Variants in HBP1 observed in about 807,000 individuals in gnomAD.
HBP1 encodes the protein HMG box-containing protein 1.
A neutral mutation model predicts 62.6 loss-of-function variants in HBP1; 20 were observed. That is an observed-to-expected ratio of 0.32 (90% CI 0.22 to 0.46). The LOEUF is 0.46. Ranked by LOEUF, HBP1 falls within the 20% of genes least tolerant of loss-of-function variation. HBP1 has a pLI of 1.00. For missense variants in HBP1, 480 were observed against 611.8 expected (o/e 0.78, Z 2.27); for synonymous variants, 232 against 206.2 (o/e 1.12, Z -1.07).
At chr7:107,176,682 T>C (rs1796865696) in intron 1 of HBP1, among the ~76,000 whole-genome samples, 1 of 147,062 alleles carries the variant, frequency 6.8e-6, no homozygotes, top group African/African-American at 2.6e-5. Context: ...GAATCACTGA[T>C]GAAATTAAAT....
intron 3 of HBP1, among the ~76,000 whole-genome samples, chr7:107,183,624 AAAAC>A (rs1797216653): frequency 6.6e-6 from 1 of 152,132 alleles, no homozygotes. Context: ...TTTTTAAAAA[AAAAC>A]CTGATTTAAC....
Position 107,179,942 on chromosome 7 carries a change from C to G in HBP1, c.49C>G (p.Leu17Val). The G allele has an allele frequency of 6.2e-7, 1 of 1,600,814 alleles. No homozygotes were observed. Among genetic ancestry groups the G allele is most frequent in the Non-Finnish European group, 8.5e-7 (1 of 1,171,756 alleles). The change falls in exon 2 of 11, where the codon CTC (leucine) becomes GTC (valine). Residue 17 changes from leucine (L) to valine (V), a missense_variant. This residue lies in a region of HBP1 where 304 missense variants were observed against 330.9 expected (regional missense o/e 0.92). Coordinates refer to ENST00000222574, the MANE Select transcript of HBP1 (RefSeq NM_012257.4). ...TCAGATGCCTAATGCAGTACAGAAA[C>G]TCCTGTTGGTGATGGACAAGAGAGC... ...TNQMPNAVQK[L>V]LLVMDKRASG...
At chr7:107,174,304 G>A (rs569642187) in intron 1 of HBP1, 94 of 242,116 alleles carry the variant, frequency 3.9e-4, no homozygotes, top group African/African-American at 2.0e-3. Context: ...GTTTTCTCAG[G>A]ACCAAACTTC....
chr7:107,185,583 A>C (rs116342350), intron 3 of HBP1, among the ~76,000 whole-genome samples: 2,248 of 152,332 alleles, frequency 0.015, 51 homozygotes, highest in African/African-American at 0.052. Flanking sequence ...ATATATTGTC[A>C]AATCTGAAAA....
At chr7:107,183,645 AT>A (rs919831865) in intron 3 of HBP1, among the ~76,000 whole-genome samples, 35 of 149,856 alleles carry the variant, frequency 2.3e-4, no homozygotes, top group African/African-American at 6.6e-4. Flanking sequence ...TAACTATTGG[AT>A]TTTTTTTTTC....
chr7:107,199,748 T>A (rs567439468), intron 9 of HBP1, among the ~76,000 whole-genome samples: 1 of 152,168 alleles, frequency 6.6e-6, no homozygotes, highest in Non-Finnish European at 1.5e-5. Context: ...CAGTTTAACT[T>A]CTTAGCATTT....
intron 1 of HBP1, among the ~76,000 whole-genome samples, chr7:107,179,105 A>AT (rs1162814830): frequency 6.6e-6 from 1 of 152,254 alleles, no homozygotes; most frequent in Admixed American, 6.5e-5. Flanking sequence ...CAAAATAAAA[A>AT]ACACAGTAAA....
At chr7:107,197,397 G>A (rs2115992681) in intron 9 of HBP1, among the ~76,000 whole-genome samples, 1 of 152,284 alleles carries the variant, frequency 6.6e-6, no homozygotes, top group African/African-American at 2.4e-5. Flanking sequence ...TTGAGGCGGA[G>A]TCTCACTGTC....
chr7:107,179,932 A>G lies in HBP1; in HGVS notation c.39A>G (p.Ala13=), dbSNP rs1486046450. 4 of 1,609,398 alleles carry G rather than the reference A, an allele frequency of 2.5e-6. No homozygotes were observed. In the South Asian group the frequency reaches 4.4e-5, roughly 18 times the overall value. The change falls in exon 2 of 11, where the codon GCA becomes GCG. Residue 13 remains alanine (A), a synonymous_variant. Coordinates refer to ENST00000222574, the MANE Select transcript of HBP1 (RefSeq NM_012257.4). ...WEVKTNQMPN[A]VQKLLLVMDK... ...TGAAGACAAATCAGATGCCTAATGCAGTACAGAAACTCCTGTTGGTGATGG... is the reference window on the plus strand; with the variant it reads ...TGAAGACAAATCAGATGCCTAATGCGGTACAGAAACTCCTGTTGGTGATGG...
chr7:107,186,344 A>G lies in HBP1; in HGVS notation c.541-17A>G. The G allele has an allele frequency of 7.1e-7, 1 of 1,415,794 alleles. No individual in the cohort carries two copies. The highest frequency in any genetic ancestry group is 1.4e-5 in the African/African-American group (1 of 69,830). The allele number at this position is 1,415,794 out of a possible 1,614,324, so 87.7% of individuals were successfully genotyped here. A position where few individuals can be genotyped will look rare whatever the true frequency, so the allele number is the denominator to read the frequency against. On this transcript the variant is annotated splice_polypyrimidine_tract_variant and intron_variant, in intron 4 of 10. Coordinates refer to ENST00000222574, the MANE Select transcript of HBP1 (RefSeq NM_012257.4). ...TTTAAAAACAAATAAAAAAGTTGATAATATTTTTCTCCATAGGCAAATAGT... is the reference window on the plus strand; with the variant it reads ...TTTAAAAACAAATAAAAAAGTTGATGATATTTTTCTCCATAGGCAAATAGT...
rs1395508929 is a variant in HBP1 at position 107,171,067 on chromosome 7, A to ATTTTTTT, written c.-16+1883_-16+1884insTTTTTTT. ...TATAAATATATATATATATATATAT[A>ATTTTTTT]TATATATTTTTTTTTTTTTTTGAGA... On this transcript the variant is annotated intron_variant, in intron 1 of 10. Transcript: ENST00000222574. Among the ~76,000 whole-genome samples, 11 of 66,680 alleles carry ATTTTTTT rather than the reference A, an allele frequency of 1.6e-4. 1 individual carries two copies. Among genetic ancestry groups the ATTTTTTT allele is most frequent in the African/African-American group, 1.5e-3 (11 of 7,176 alleles). 43.7% of individuals were successfully genotyped at this position (66,680 alleles called of 152,430 possible). A position where few individuals can be genotyped will look rare whatever the true frequency, so the allele number is the denominator to read the frequency against.
chr7:107,185,667 T>A (rs1428191549), intron 3 of HBP1, 134 bp from the exon 4 acceptor site: 1 of 579,354 alleles, frequency 1.7e-6, no homozygotes, highest in Non-Finnish European at 3.0e-6. Flanking sequence ...GAAATCTTGC[T>A]GTCTTTACTA....
Position 107,171,069 on chromosome 7 carries a change from A to ATTTTTTTT in HBP1, c.-16+1885_-16+1886insTTTTTTTT, listed in dbSNP as rs1292839546. Among the ~76,000 whole-genome samples the ATTTTTTTT allele has an allele frequency of 8.3e-3, 603 of 72,360 alleles. 71 individuals are homozygous for ATTTTTTTT. The highest frequency in any genetic ancestry group is 0.058 in the African/African-American group (542 of 9,400). The allele number at this position is 72,360 out of a possible 152,430, so 47.5% of individuals were successfully genotyped here. On this transcript the variant is annotated intron_variant, in intron 1 of 10. Transcript: ENST00000222574. ...TAAATATATATATATATATATATAT[A>ATTTTTTTT]TATATTTTTTTTTTTTTTTGAGAGG...
chr7:107,195,802 T>G (rs759825344), intron 8 of HBP1, 32 bp from the exon 9 acceptor site: 2 of 1,020,414 alleles, frequency 2.0e-6, no homozygotes, highest in South Asian at 5.4e-5. Flanking sequence ...CAAAATTGAA[T>G]TAAAATATTA....
chr7:107,190,426 G>A, intron 8 of HBP1, 109 bp downstream of exon 8: 3 of 677,890 alleles, frequency 4.4e-6, no homozygotes, highest in South Asian at 4.5e-5. Flanking sequence ...AAAGATTTGA[G>A]AATTATAAAA....
At chr7:107,200,339 T>A in intron 10 of HBP1, 38 bp downstream of exon 10, 1 of 1,579,518 alleles carries the variant, frequency 6.3e-7, no homozygotes. Flanking sequence ...TTATCTTGCC[T>A]TATCCGTGCA....
In HBP1 at chr7:107,186,688, T is replaced by C; in HGVS notation, c.765+7T>C. On this transcript the variant is annotated splice_region_variant and intron_variant, in intron 6 of 10. Transcript: ENST00000222574. Reference sequence around the variant, plus strand: ...TCAAATGGGCATTCACAAGGTTGATTTAAAATTCTTAAAAAATTTTTCAAA... The same window carrying C: ...TCAAATGGGCATTCACAAGGTTGATCTAAAATTCTTAAAAAATTTTTCAAA... The C allele has an allele frequency of 6.6e-7, 1 of 1,522,080 alleles. No homozygotes were observed. Among genetic ancestry groups the C allele is most frequent in the Non-Finnish European group, 9.0e-7 (1 of 1,109,224 alleles). 94.3% of individuals were successfully genotyped at this position (1,522,080 alleles called of 1,614,324 possible).
rs188858994 is a variant in HBP1, at chr7:107,182,066, T to G, written c.170-307T>G. 1.6e-4 allele frequency among the ~76,000 whole-genome samples: 25 copies of G among 152,292 alleles called. No homozygotes were observed. The East Asian group carries it at 3.9e-3, about 23-fold the overall frequency. On this transcript the variant is annotated intron_variant, in intron 2 of 10. Coordinates refer to ENST00000222574, the MANE Select transcript of HBP1 (RefSeq NM_012257.4). Reference sequence around the variant, plus strand: ...TAGTCTGTATAACAGGTTATTAAAGTATGTGAGTAATAAGTCCATATTGCA... The same window carrying G: ...TAGTCTGTATAACAGGTTATTAAAGGATGTGAGTAATAAGTCCATATTGCA...
intron 1 of HBP1, among the ~76,000 whole-genome samples, chr7:107,176,012 G>A (rs948402788): frequency 6.1e-5 from 9 of 148,296 alleles, no homozygotes; most frequent in Non-Finnish European, 9.0e-5. Flanking sequence ...CACCGCACCC[G>A]GCTTTTTTTC....
Sources: allele counts gnomAD v4.1 joint callset (sites outside exome capture counted in the v4.1 genomes callset), GRCh38; gene constraint gnomAD v4.1.1; regional missense constraint gnomAD v4.1.1; transcripts MANE v1.5; gene names NCBI Gene and HGNC (gene_info 2026-07-23, HGNC 2026-07-21).